Variants in CNBD1 observed in about 807,000 individuals in gnomAD.
CNBD1 encodes cyclic nucleotide binding domain containing 1.
CNBD1 carries 71 observed loss-of-function variants against 54.4 expected under a neutral mutation model. The ratio of observed to expected loss-of-function variants is 1.30; its 90% CI spans 1.08 to 1.59. The LOEUF (loss-of-function observed/expected upper bound fraction) is 1.59, where lower values mean the gene tolerates loss of function less well. CNBD1 is among the 40% of genes most tolerant of loss of function. CNBD1 has a pLI of 0.00. For synonymous variants in CNBD1, 182 were observed against 170.7 expected (o/e 1.07, Z -0.51); for missense variants, 659 against 518.0 (o/e 1.27, Z -2.64).
intron 3 of CNBD1, among the ~76,000 whole-genome samples, chr8:86,919,591 T>C (rs537947969): frequency 1.3e-5 from 2 of 152,308 alleles, no homozygotes; most frequent in East Asian, 3.9e-4. Flanking sequence ...CTGAGTTAGG[T>C]TTCTGTTTGT....
intron 4 of CNBD1, among the ~76,000 whole-genome samples, chr8:87,162,846 A>G (rs1442820523): frequency 6.6e-6 from 1 of 152,078 alleles, no homozygotes; most frequent in Admixed American, 6.6e-5. Flanking sequence ...GGTGTTGCCA[A>G]CGTGATGGTA....
At chr8:87,024,328 T>C (rs1235419330) in intron 4 of CNBD1, among the ~76,000 whole-genome samples, 1 of 151,564 alleles carries the variant, frequency 6.6e-6, no homozygotes, top group Non-Finnish European at 1.5e-5. Context: ...TTATTTTATT[T>C]ATTTTTATAA....
At chr8:87,083,586 T>C (rs2949555) in intron 4 of CNBD1, among the ~76,000 whole-genome samples, 18,248 of 90,912 alleles carry the variant, frequency 0.2, 1,307 homozygotes, top group Middle Eastern at 0.28. Context: ...AATGTATTTC[T>C]TTTTTTTTTT....
intron 3 of CNBD1, among the ~76,000 whole-genome samples, chr8:86,908,627 C>T (rs186593008): frequency 2.6e-5 from 4 of 152,078 alleles, no homozygotes; most frequent in Non-Finnish European, 4.4e-5. Flanking sequence ...AAGAAATTGA[C>T]CTTTTTTCAA....
intron 2 of CNBD1, among the ~76,000 whole-genome samples, chr8:87,414,164 C>T (rs1391984759): frequency 3.9e-5 from 6 of 151,904 alleles, no homozygotes. Flanking sequence ...AAATGTGGCA[C>T]ATATACACCA....
At chr8:86,895,858 T>A (rs1280931813) in intron 2 of CNBD1, among the ~76,000 whole-genome samples, 1 of 152,202 alleles carries the variant, frequency 6.6e-6, no homozygotes, top group South Asian at 2.1e-4. Context: ...TTATCAAATA[T>A]GTGTTTTGCA....
In CNBD1 at chr8:87,351,697, G is replaced by T. The variant is rs1180892786; in HGVS notation, c.1055G>T (p.Ser352Ile). The change falls in exon 9 of 11, where the codon AGT (serine) becomes ATT (isoleucine). Residue 352 changes from serine (S) to isoleucine (I), a missense_variant. Transcript: ENST00000518476. ...CTCTTCTTTTCAGTGATAGTGGAAAGTGGAAATATAATTTCTTTTGTGGGT... is the reference window on the plus strand; with the variant it reads ...CTCTTCTTTTCAGTGATAGTGGAAATTGGAAATATAATTTCTTTTGTGGGT... ...KFPPGHVIVE[S>I]GNIISFVGYI... The T allele has an allele frequency of 2.0e-6, 3 of 1,516,276 alleles. No individual in the cohort carries two copies. Among genetic ancestry groups the T allele is most frequent in the African/African-American group, 2.8e-5 (2 of 70,478 alleles). 93.9% of individuals were successfully genotyped at this position (1,516,276 alleles called of 1,614,324 possible).
chr8:87,226,855 T>G (rs1307121248), intron 5 of CNBD1, among the ~76,000 whole-genome samples: 1 of 151,290 alleles, frequency 6.6e-6, no homozygotes, highest in Non-Finnish European at 1.5e-5. Flanking sequence ...AAGTCTCCCA[T>G]TATTAATGTG....
chr8:87,282,542 A>T lies in CNBD1; in HGVS notation c.772-2136A>T, dbSNP rs114277485. Among the ~76,000 whole-genome samples the T allele has an allele frequency of 6.3e-3, 955 of 151,868 alleles. 10 individuals are homozygous for T. Among genetic ancestry groups the T allele is most frequent in the African/African-American group, 0.022 (910 of 41,528 alleles). On this transcript the variant is annotated intron_variant, in intron 6 of 10. Transcript: ENST00000518476. ...ATTTTTCCTGAGCACTTTTAAGATAACCATATTTACAGAACAAAATGGAAA... is the reference window on the plus strand; with the variant it reads ...ATTTTTCCTGAGCACTTTTAAGATATCCATATTTACAGAACAAAATGGAAA...
intron 6 of CNBD1, among the ~76,000 whole-genome samples, chr8:87,254,516 TG>T (rs1272462893): frequency 6.6e-6 from 1 of 152,226 alleles, no homozygotes; most frequent in Non-Finnish European, 1.5e-5. Flanking sequence ...CTTCCCTCTC[TG>T]GGTTTTGGTT....
intron 4 of CNBD1, among the ~76,000 whole-genome samples, chr8:86,974,889 A>G (rs912030345): frequency 1.7e-4 from 26 of 152,004 alleles, no homozygotes; most frequent in African/African-American, 6.3e-4. Flanking sequence ...TACATATCAT[A>G]TAGGATTTTT....
At chr8:87,290,655 C>T (rs1364747919) in intron 8 of CNBD1, among the ~76,000 whole-genome samples, 1 of 152,226 alleles carries the variant, frequency 6.6e-6, no homozygotes, top group African/African-American at 2.4e-5. Flanking sequence ...GGAGTATATG[C>T]TAGTAACAAA....
intron 2 of CNBD1, among the ~76,000 whole-genome samples, chr8:86,892,451 T>C (rs1000331351): frequency 2.6e-5 from 4 of 152,234 alleles, no homozygotes; most frequent in Non-Finnish European, 5.9e-5. Context: ...TAGTGGAAAC[T>C]CTTTAACCTA....
intron 8 of CNBD1, among the ~76,000 whole-genome samples, chr8:87,334,330 C>T (rs1330522029): frequency 1.3e-5 from 2 of 151,918 alleles, no homozygotes; most frequent in South Asian, 2.1e-4. Context: ...AAAAACAGCT[C>T]CTGGATTCAT....
chr8:87,321,728 G>T (rs116356475), intron 8 of CNBD1, among the ~76,000 whole-genome samples: 3 of 150,896 alleles, frequency 2.0e-5, no homozygotes, highest in Admixed American at 2.0e-4. Flanking sequence ...GCTTTTTTGT[G>T]CCTGTGCTTT....
At chr8:87,121,721 G>T (rs1811894356) in intron 4 of CNBD1, among the ~76,000 whole-genome samples, 1 of 151,622 alleles carries the variant, frequency 6.6e-6, no homozygotes, top group South Asian at 2.1e-4. Context: ...CTACTTCTAT[G>T]AGTTCAACTT....
At chr8:87,243,144 G>A (rs2130831745) in intron 6 of CNBD1, among the ~76,000 whole-genome samples, 1 of 152,330 alleles carries the variant, frequency 6.6e-6, no homozygotes, top group East Asian at 1.9e-4. Context: ...ATGAAGCCAT[G>A]AGTATTTTAT....
At chr8:86,982,525 TATG>T (rs1393243376) in intron 4 of CNBD1, among the ~76,000 whole-genome samples, 1 of 152,220 alleles carries the variant, frequency 6.6e-6, no homozygotes, top group Non-Finnish European at 1.5e-5. Context: ...AAATAGGCAG[TATG>T]ATTTGTTGCA....
chr8:87,407,513 C>T (rs1465528947), intron 2 of CNBD1, among the ~76,000 whole-genome samples: 1 of 151,908 alleles, frequency 6.6e-6, no homozygotes, highest in Non-Finnish European at 1.5e-5. Context: ...GCCTGTATCT[C>T]AGAATGGAAT....
Sources: gnomAD v4.1 joint callset for allele counts (sites outside exome capture counted in the v4.1 genomes callset) on GRCh38, gnomAD v4.1.1 for gene constraint, MANE v1.5 for transcripts, NCBI Gene and HGNC (gene_info 2026-07-23, HGNC 2026-07-21) for gene names.